NKD2: variants seen among roughly 807,000 people sequenced by gnomAD.
NKD2 encodes the protein NKD inhibitor of Wnt signaling pathway 2, also known as protein naked cuticle homolog 2.
NKD2 carries 43 observed loss-of-function variants against 34.8 expected under a neutral mutation model. That is an observed-to-expected ratio of 1.24 (90% CI 0.97 to 1.60). NKD2 has a LOEUF of 1.60. NKD2 is among the 40% of genes most tolerant of loss of function. NKD2 has a pLI of 0.00. For synonymous variants in NKD2, 278 were observed against 265.1 expected, an observed-to-expected ratio of 1.05 and a Z score of -0.47; for missense variants, 675 against 627.1, an observed-to-expected ratio of 1.08 and a Z score of -0.82.
At chr5:1,037,612 C>T (rs1167361280) in intron 9 of NKD2, 193 bp from the exon 10 acceptor site, 1 of 1,535,900 alleles carries the variant, frequency 6.5e-7, no homozygotes, top group South Asian at 1.2e-5. Context: ...GCTGTGGAGC[C>T]AGGCAGGTCA....
chr5:1,024,769 T>C (rs370247339), intron 3 of NKD2, among the ~76,000 whole-genome samples: 61 of 4,972 alleles, frequency 0.012, 1 homozygote, highest in Non-Finnish European at 0.093. Flanking sequence ...TGTGGGCGTC[T>C]CAGCCCGTTG....
At chr5:1,013,818 C>T (rs947796229) in intron 3 of NKD2, among the ~76,000 whole-genome samples, 1 of 152,142 alleles carries the variant, frequency 6.6e-6, no homozygotes, top group African/African-American at 2.4e-5. Context: ...CCTGCCCGCT[C>T]GGGTCACTGT....
At chr5:1,030,021 G>A (rs980150892) in intron 3 of NKD2, among the ~76,000 whole-genome samples, 1 of 149,582 alleles carries the variant, frequency 6.7e-6, no homozygotes, top group Non-Finnish European at 1.5e-5. Context: ...GGTGCGGGGG[G>A]GGGGGTACTG....
intron 3 of NKD2, among the ~76,000 whole-genome samples, chr5:1,029,079 G>T (rs1345795552): frequency 6.6e-6 from 1 of 152,146 alleles, no homozygotes; most frequent in African/African-American, 2.4e-5. Flanking sequence ...AGATTAAAGG[G>T]CAGTTTTATG....
chr5:1,035,299 T>TG (rs1486141396), intron 7 of NKD2, 90 bp from the exon 8 acceptor site: 2 of 988,924 alleles, frequency 2.0e-6, no homozygotes, highest in Admixed American at 2.1e-5. Flanking sequence ...AATGAATGAA[T>TG]GAGTGAGTGA....
At chr5:1,036,839 GAC>G (rs780254323) in intron 9 of NKD2, 2 of 455,960 alleles carry the variant, frequency 4.4e-6, no homozygotes, top group South Asian at 3.1e-5. Flanking sequence ...GTGGACAACA[GAC>G]AGTGTCGACA....
intron 3 of NKD2, among the ~76,000 whole-genome samples, chr5:1,021,838 C>T (rs559362708): frequency 6.6e-6 from 1 of 152,190 alleles, no homozygotes; most frequent in East Asian, 1.9e-4. Context: ...GAGCTCCCAG[C>T]AGGGATAAGG....
Position 1,034,755 on chromosome 5 carries a change from G to A in NKD2, c.427-1G>A, listed in dbSNP as rs1167146454. On this transcript the variant is annotated splice_acceptor_variant, in intron 6 of 9. Coordinates refer to ENST00000296849, the MANE Select transcript of NKD2 (RefSeq NM_033120.4). LOFTEE classifies it high-confidence loss of function. ...TCAGTGAAACTGATGCCGGGCCCCA[G>A]GACATGTCCAGCCTCATGCACACCA... The A allele has an allele frequency of 7.5e-6, 12 of 1,609,220 alleles. No homozygotes were observed. The highest frequency in any genetic ancestry group is 1.3e-5 in the African/African-American group (1 of 74,850).
intron 6 of NKD2, among the ~76,000 whole-genome samples, 156 bp downstream of exon 6, chr5:1,034,486 C>T (rs779614477): frequency 5.3e-5 from 8 of 152,192 alleles, no homozygotes; most frequent in Non-Finnish European, 8.8e-5. Flanking sequence ...GCCCAGTTCA[C>T]GTGTGTTTCT....
Position 1,021,693 on chromosome 5 carries a change from G to C in NKD2, c.142-10459G>C, listed in dbSNP as rs1166029994. 2.6e-5 allele frequency among the ~76,000 whole-genome samples: 4 copies of C among 152,020 alleles called. No individual in the cohort carries two copies. The East Asian group carries it at 7.8e-4, about 29-fold the overall frequency. ...AGGCGCGCTGGCGGATCACCTTGAA[G>C]TCAAATTCCATCCTATGGCGGCCGG... On this transcript the variant is annotated intron_variant, in intron 3 of 9. Transcript: ENST00000296849.
chr5:1,035,512 C>CG, intron 8 of NKD2, 39 bp downstream of exon 8: 1 of 1,485,932 alleles, frequency 6.7e-7, no homozygotes, highest in East Asian at 2.5e-5. Context: ...GTGCCTTAGG[C>CG]GGGGGCACCC....
At chr5:1,029,322 TATTGGCTGGTTGATACAGC>T (rs1461615619) in intron 3 of NKD2, among the ~76,000 whole-genome samples, 1 of 152,198 alleles carries the variant, frequency 6.6e-6, no homozygotes, top group Non-Finnish European at 1.5e-5. Context: ...GTTGGTGTAG[TATTGGCTGGTTGATACAGC>T]GTTGGCTGGT....
intron 3 of NKD2, among the ~76,000 whole-genome samples, chr5:1,025,718 C>G (rs1756361927): frequency 1.6e-5 from 1 of 63,724 alleles, no homozygotes; most frequent in African/African-American, 7.0e-5. Flanking sequence ...CGTCCCAGCC[C>G]ATTGTCCCTG....
Position 1,030,444 on chromosome 5 carries a change from G to A in NKD2, c.142-1708G>A, listed in dbSNP as rs371840008. ...GCTCCTAGTATCTGGTCCATCCCAC[G>A]AGGATTCTGTGCCCATGGGGGCTGC... On this transcript the variant is annotated intron_variant, in intron 3 of 9. Coordinates refer to ENST00000296849, the MANE Select transcript of NKD2 (RefSeq NM_033120.4). 5.9e-5 allele frequency among the ~76,000 whole-genome samples: 9 copies of A among 152,332 alleles called. No individual in the cohort carries two copies. In the South Asian group the frequency reaches 1.0e-3, roughly 18 times the overall value.
At chr5:1,029,360 C>G (rs1012665564) in intron 3 of NKD2, among the ~76,000 whole-genome samples, 1 of 152,148 alleles carries the variant, frequency 6.6e-6, no homozygotes, top group Non-Finnish European at 1.5e-5. Flanking sequence ...GTTGGTGCAG[C>G]GTTGGCTACA....
chr5:1,021,060 A>G (rs887330906), intron 3 of NKD2, among the ~76,000 whole-genome samples: 1 of 152,034 alleles, frequency 6.6e-6, no homozygotes, highest in Non-Finnish European at 1.5e-5. Flanking sequence ...AAACATTTCT[A>G]TTTTCTGGTC....
At chr5:1,020,217 G>A (rs920298866) in intron 3 of NKD2, among the ~76,000 whole-genome samples, 3 of 152,154 alleles carry the variant, frequency 2.0e-5, no homozygotes, top group African/African-American at 4.8e-5. Context: ...TGAAGGCAGG[G>A]AATAAAGTTT....
rs373861719 is a variant in NKD2, at chr5:1,034,808, A to C, written c.479A>C (p.Asn160Thr). ...TATGAGGTCGTGGATGCCTCGGTCA[A>C]CCACTCCTCGGGCAGCAGCAAGACC... ...TIYEVVDASV[N>T]HSSGSSKTLR... The change falls in exon 7 of 10, where the codon AAC (asparagine) becomes ACC (threonine). Residue 160 changes from asparagine (N) to threonine (T), a missense_variant. Coordinates refer to ENST00000296849, the MANE Select transcript of NKD2 (RefSeq NM_033120.4). 1 of 1,612,782 alleles carries C rather than the reference A, an allele frequency of 6.2e-7. No homozygotes were observed.
intron 3 of NKD2, among the ~76,000 whole-genome samples, chr5:1,016,895 C>T (rs912383732): frequency 1.3e-5 from 2 of 151,868 alleles, no homozygotes; most frequent in Non-Finnish European, 2.9e-5. Context: ...ACCCCATCCT[C>T]CTTTCCACAA....
Sources: allele counts gnomAD v4.1 joint callset (sites outside exome capture counted in the v4.1 genomes callset), GRCh38; gene constraint gnomAD v4.1.1; transcripts MANE v1.5; gene names NCBI Gene and HGNC (gene_info 2026-07-23, HGNC 2026-07-21).